ATP11B: variants seen among roughly 807,000 people sequenced by gnomAD.
ATP11B encodes the protein ATPase phospholipid transporting 11B (putative), also known as phospholipid-transporting ATPase IF.
In ATP11B, 81 loss-of-function variants were observed where a neutral mutation model predicts 157.8. The ratio of observed to expected loss-of-function variants is 0.51; its 90% CI spans 0.43 to 0.62. The LOEUF is 0.62. Ranked by LOEUF, ATP11B falls within the 20% of genes least tolerant of loss-of-function variation. ATP11B has a pLI of 0.00. For missense variants in ATP11B, 1,165 were observed against 1,402.2 expected (o/e 0.83, Z 2.70); for synonymous variants, 451 against 469.4 (o/e 0.96, Z 0.51).
rs373652197 is a variant in ATP11B at position 182,873,920 on chromosome 3, A to T, written c.2157A>T (p.Ser719=). Reference sequence around the variant, plus strand: ...AAACAGCTGTTAGTGTGAGTTTATCATGTGGCCATTTTCATAGAACCATGA... The same window carrying T: ...AAACAGCTGTTAGTGTGAGTTTATCTTGTGGCCATTTTCATAGAACCATGA... The part of the protein sequence containing the change: ...KHETAVSVSL[S]CGHFHRTMNI... Residue 719 remains serine (S), a synonymous_variant, in exon 19 of 30, where the codon TCA becomes TCT. Coordinates refer to ENST00000323116, the MANE Select transcript of ATP11B (RefSeq NM_014616.3). 3.7e-6 allele frequency: 6 copies of T among 1,614,070 alleles called. No individual in the cohort carries two copies. In the African/African-American group the frequency reaches 5.3e-5, roughly 14 times the overall value.
intron 4 of ATP11B, among the ~76,000 whole-genome samples, chr3:182,830,755 T>A (rs2108506292): frequency 6.6e-6 from 1 of 152,340 alleles, no homozygotes; most frequent in Admixed American, 6.5e-5. Flanking sequence ...GCCTATAGAT[T>A]AACAATTAGA....
intron 28 of ATP11B, among the ~76,000 whole-genome samples, chr3:182,904,621 C>T (rs754959942): frequency 2.0e-5 from 3 of 152,184 alleles, no homozygotes; most frequent in African/African-American, 4.8e-5. Context: ...CAGGCAGTGG[C>T]TCACACCTGT....
At chr3:182,832,294 A>G (rs1242086042) in intron 4 of ATP11B, among the ~76,000 whole-genome samples, 3 of 152,158 alleles carry the variant, frequency 2.0e-5, no homozygotes, top group African/African-American at 7.2e-5. Context: ...AGAGCTTCAT[A>G]ACTAAGGCAA....
At chr3:182,875,836 G>A (rs181319463) in intron 19 of ATP11B, among the ~76,000 whole-genome samples, 100 of 152,244 alleles carry the variant, frequency 6.6e-4, no homozygotes, top group African/African-American at 2.0e-3. Context: ...CTACAATTTG[G>A]GGACAGTGTC....
rs2051696267 is a variant in ATP11B, at chr3:182,837,143, G to C, written c.625G>C (p.Glu209Gln). 6.2e-7 allele frequency: 1 copy of C among 1,612,936 alleles called. No individual in the cohort carries two copies. Among genetic ancestry groups the C allele is most frequent in the South Asian group, 1.1e-5 (1 of 91,028 alleles). Residue 209 changes from glutamate (E) to glutamine (Q), a missense_variant, in exon 7 of 30, where the codon GAA becomes CAA. Coordinates refer to ENST00000323116, the MANE Select transcript of ATP11B (RefSeq NM_014616.3). ...TTTGGACACTCTAGTAGCTGTAATA[G>C]AATGCCAGCAACCAGAAGCAGACTT... ...ANLDTLVAVI[E>Q]CQQPEADLYR... is the part of the protein sequence containing the mutation.
chr3:182,894,326 A>G (rs2108574939), intron 25 of ATP11B, among the ~76,000 whole-genome samples: 1 of 152,342 alleles, frequency 6.6e-6, no homozygotes, highest in East Asian at 1.9e-4. Flanking sequence ...AGCTGGGATT[A>G]CAGGCATGGG....
rs183405219 is a variant in ATP11B, at chr3:182,799,718, T to C, written c.27+5932T>C. ...TTTTTAAAAAATATCAAAATGAAAC[T>C]CAAGATTTGAGTTTATAAACATAGT... On this transcript the variant is annotated intron_variant, in intron 1 of 29. Coordinates refer to ENST00000323116, the MANE Select transcript of ATP11B (RefSeq NM_014616.3). 2.9e-3 allele frequency among the ~76,000 whole-genome samples: 443 copies of C among 152,312 alleles called. 2 individuals are homozygous for C. Among genetic ancestry groups the C allele is most frequent in the Non-Finnish European group, 5.1e-3 (344 of 68,018 alleles).
rs1294620800 is a variant in ATP11B, at chr3:182,842,232, G to A, written c.704+110G>A. 9.3e-6 allele frequency: 7 copies of A among 750,608 alleles called. No individual in the cohort carries two copies. The East Asian group carries it at 1.6e-4, about 17-fold the overall frequency. The allele number at this position is 750,608 out of a possible 1,614,324, so 46.5% of individuals were successfully genotyped here. A position where few individuals can be genotyped will look rare whatever the true frequency, so the allele number is the denominator to read the frequency against. On this transcript the variant is annotated intron_variant, in intron 8 of 29. Coordinates refer to ENST00000323116, the MANE Select transcript of ATP11B (RefSeq NM_014616.3). ...AAATAAGCAGCCCATCATGGGAAAG[G>A]GTTAATTTTGTTGTGTTTTGTTTGT...
chr3:182,857,097 T>A (rs1262425992), intron 10 of ATP11B, among the ~76,000 whole-genome samples: 1 of 152,210 alleles, frequency 6.6e-6, no homozygotes, highest in Non-Finnish European at 1.5e-5. Context: ...GGCTTTGATC[T>A]TTGTCAGTTA....
At chr3:182,804,205 C>T (rs1231299772) in intron 1 of ATP11B, among the ~76,000 whole-genome samples, 1 of 151,970 alleles carries the variant, frequency 6.6e-6, no homozygotes, top group Non-Finnish European at 1.5e-5. Context: ...CATCTCTATA[C>T]ATAATCTACA....
Position 182,826,430 on chromosome 3 carries a change from A to G in ATP11B, c.145-1690A>G, listed in dbSNP as rs76284905. Among the ~76,000 whole-genome samples the G allele has an allele frequency of 9.2e-3, 1,407 of 152,296 alleles. 23 individuals carry two copies. Among genetic ancestry groups the G allele is most frequent in the African/African-American group, 0.032 (1,344 of 41,554 alleles). On this transcript the variant is annotated intron_variant, in intron 2 of 29. Transcript: ENST00000323116. ...ACTTAGGAGACTTCCAACCTTCCTT[A>G]TAAAGTATTATACATTTGGTGACTG... is the stretch of plus-strand genomic sequence containing the variant.
intron 19 of ATP11B, among the ~76,000 whole-genome samples, chr3:182,878,870 G>A (rs563614058): frequency 3.2e-4 from 48 of 151,980 alleles, no homozygotes; most frequent in African/African-American, 1.1e-3. Context: ...ATAATGTTTC[G>A]ATTTTTGTAA....
At position 182,919,592 on chromosome 3, in the gene ATP11B, C is replaced by G. The variant is rs559477884; in HGVS notation, c.*1488C>G. 6.6e-6 allele frequency: 1 copy of G among 152,072 alleles called. No individual in the cohort carries two copies. The highest frequency in any genetic ancestry group is 1.5e-5 in the Non-Finnish European group (1 of 67,998). 9.4% of individuals were successfully genotyped at this position (152,072 alleles called of 1,614,324 possible). On this transcript the variant is annotated 3_prime_UTR_variant, in exon 30 of 30. Transcript: ENST00000323116. ...AGATAATGGTTAAATGCGGTTTTAC[C>G]AAGTTTTCCCTTGAAAATGTAATTC...
At chr3:182,913,599 A>G (rs953246868) in intron 28 of ATP11B, among the ~76,000 whole-genome samples, 1 of 152,252 alleles carries the variant, frequency 6.6e-6, no homozygotes, top group Admixed American at 6.5e-5. Flanking sequence ...TGAAACATTA[A>G]AAGTAGATTT....
At chr3:182,887,493 C>CT (rs2108567682) in intron 23 of ATP11B, 93 bp from the exon 24 acceptor site, 2 of 1,104,632 alleles carry the variant, frequency 1.8e-6, no homozygotes, top group South Asian at 4.0e-5. Flanking sequence ...ATTTTTAAAA[C>CT]TTTAATTTTG....
In ATP11B at chr3:182,916,301, G is replaced by T. The variant is rs1269955588; in HGVS notation, c.3453-1722G>T. On this transcript the variant is annotated intron_variant, in intron 29 of 29. Transcript: ENST00000323116. ...GGCAAGTCTGAGACTGCCATTCCAA[G>T]ATGTAGAAGCCCTTAGCTGTGTGTT... The T allele has an allele frequency of 7.1e-6, 7 of 985,182 alleles. No individual in the cohort carries two copies. In the African/African-American group the frequency reaches 1.2e-4, roughly 17 times the overall value. 61.0% of individuals were successfully genotyped at this position (985,182 alleles called of 1,614,324 possible). A position where few individuals can be genotyped will look rare whatever the true frequency, so the allele number is the denominator to read the frequency against.
rs1720726553 is a variant in ATP11B, at chr3:182,860,157, G to A, written c.1200+798G>A. Among the ~76,000 whole-genome samples the A allele has an allele frequency of 2.0e-5, 3 of 152,086 alleles. No individual in the cohort carries two copies. In the South Asian group the frequency reaches 6.2e-4, roughly 32 times the overall value. On this transcript the variant is annotated intron_variant, in intron 12 of 29. Coordinates refer to ENST00000323116, the MANE Select transcript of ATP11B (RefSeq NM_014616.3). ...CCTACCTGTGGCTTATTCTCTTTTG[G>A]TGCTGTACATCTTCTAATAACTTCC...
At chr3:182,887,078 G>C (rs186650140) in intron 23 of ATP11B, among the ~76,000 whole-genome samples, 7 of 152,296 alleles carry the variant, frequency 4.6e-5, no homozygotes, top group Admixed American at 3.9e-4. Flanking sequence ...AGTACCAACA[G>C]TGGTACCTGT....
chr3:182,905,026 C>T (rs1188628561), intron 28 of ATP11B, among the ~76,000 whole-genome samples: 1 of 151,852 alleles, frequency 6.6e-6, no homozygotes, highest in African/African-American at 2.4e-5. Context: ...GGTATCTTCA[C>T]ATAAACTTAG....
Sources: allele counts gnomAD v4.1 joint callset (sites outside exome capture counted in the v4.1 genomes callset), GRCh38; gene constraint gnomAD v4.1.1; transcripts MANE v1.5; gene names NCBI Gene and HGNC (gene_info 2026-07-23, HGNC 2026-07-21).